Variants in SRGAP1 observed in about 807,000 individuals in gnomAD.
SRGAP1 encodes SLIT-ROBO Rho GTPase-activating protein 1.
In SRGAP1, 43 loss-of-function variants were observed where a neutral mutation model predicts 121.9. That is an observed-to-expected ratio of 0.35 (90% CI 0.28 to 0.46). The LOEUF is 0.46. Ranked by LOEUF, SRGAP1 falls within the 20% of genes least tolerant of loss-of-function variation. SRGAP1 has a pLI of 1.00. For missense variants in SRGAP1, 1,102 were observed against 1,350.9 expected (o/e 0.82, Z 2.89); for synonymous variants, 447 against 485.4 (o/e 0.92, Z 1.04).
intron 1 of SRGAP1, among the ~76,000 whole-genome samples, chr12:63,885,257 T>C (rs907120206): frequency 1.3e-5 from 2 of 152,116 alleles, no homozygotes; most frequent in African/African-American, 4.8e-5. Flanking sequence ...CTTTTTTGGT[T>C]CAATTAATTT....
intron 6 of SRGAP1, among the ~76,000 whole-genome samples, chr12:64,050,882 C>T (rs968899701): frequency 1.6e-4 from 24 of 152,020 alleles, no homozygotes; most frequent in South Asian, 6.2e-4. Flanking sequence ...CCACCATGCC[C>T]GGCTAATTGT....
intron 6 of SRGAP1, among the ~76,000 whole-genome samples, chr12:64,061,964 C>T (rs567414410): frequency 6.6e-6 from 1 of 152,244 alleles, no homozygotes; most frequent in African/African-American, 2.4e-5. Context: ...TACCTTTTAG[C>T]TATTATGCAT....
At chr12:63,899,671 A>C (rs1330984750) in intron 1 of SRGAP1, among the ~76,000 whole-genome samples, 1 of 152,250 alleles carries the variant, frequency 6.6e-6, no homozygotes, top group Non-Finnish European at 1.5e-5. Flanking sequence ...GGTGATTGGC[A>C]CAAGAGTAGG....
intron 1 of SRGAP1, among the ~76,000 whole-genome samples, chr12:63,944,899 C>T (rs2031992530): frequency 6.6e-6 from 1 of 152,172 alleles, no homozygotes; most frequent in Non-Finnish European, 1.5e-5. Context: ...CTGCTGTCAC[C>T]CCACCCGGGC....
chr12:64,134,530 C>T (rs2076031279), intron 21 of SRGAP1, among the ~76,000 whole-genome samples: 1 of 152,152 alleles, frequency 6.6e-6, no homozygotes, highest in African/African-American at 2.4e-5. Context: ...TAATCCACTC[C>T]ACCATCCCAA....
Position 64,128,190 on chromosome 12 carries a change from C to A in SRGAP1, c.2870C>A (p.Thr957Lys), listed in dbSNP as rs2036730725. 31 of 1,608,374 alleles carry A rather than the reference C, an allele frequency of 1.9e-5. No individual in the cohort carries two copies. The highest frequency in any genetic ancestry group is 2.6e-5 in the Non-Finnish European group (31 of 1,175,278). The change falls in exon 21 of 22, where the codon ACA becomes AAA. Residue 957 changes from threonine to lysine, a missense_variant. Thr to Lys is a moderately conservative substitution (Grantham distance 78). Around this residue, in one of 3 missense-constraint regions of SRGAP1, gnomAD observed 315 missense variants for 343.1 expected, o/e 0.92. Coordinates refer to ENST00000355086, the MANE Select transcript of SRGAP1 (RefSeq NM_020762.4). ...FNDHKPLDPE[T>K]IAQDIEETMN... ...GACCACAAGCCACTGGACCCAGAGA[C>A]AATTGCTCAGGTACGATGCTTTTAA...
At position 64,108,935 on chromosome 12, in the gene SRGAP1, T is replaced by C. The variant is rs1421966061; in HGVS notation, c.1817T>C (p.Ile606Thr). ...RFNDLISCIRIDNLYERALHI... is the reference protein window; with the variant it reads ...RFNDLISCIRTDNLYERALHI... ...CCATGTCATCTTCTGTCTGTAGGAA[T>C]AGATAATCTCTATGAGAGGGCGCTT... Residue 606 changes from isoleucine to threonine, a missense_variant, in exon 16 of 22, where the codon ATA becomes ACA. Coordinates refer to ENST00000355086, the MANE Select transcript of SRGAP1 (RefSeq NM_020762.4). The C allele has an allele frequency of 6.9e-6, 11 of 1,594,114 alleles. No homozygotes were observed. Among genetic ancestry groups the C allele is most frequent in the Non-Finnish European group, 9.4e-6 (11 of 1,166,800 alleles).
At chr12:64,041,737 C>T (rs2035029055) in intron 4 of SRGAP1, among the ~76,000 whole-genome samples, 1 of 151,664 alleles carries the variant, frequency 6.6e-6, no homozygotes, top group African/African-American at 2.4e-5. Context: ...CCATATATGG[C>T]ATTTTTAAAG....
At chr12:63,944,901 C>G (rs554265985) in intron 1 of SRGAP1, among the ~76,000 whole-genome samples, 2 of 152,168 alleles carry the variant, frequency 1.3e-5, no homozygotes, top group East Asian at 3.9e-4. Context: ...GCTGTCACCC[C>G]ACCCGGGCAG....
At chr12:63,951,052 C>A (rs1325020875) in intron 1 of SRGAP1, among the ~76,000 whole-genome samples, 1 of 145,682 alleles carries the variant, frequency 6.9e-6, no homozygotes, top group Non-Finnish European at 1.5e-5. Context: ...GGGATTCATT[C>A]GTATCCTTAC....
rs995110035 is a variant in SRGAP1 at position 64,151,109 on chromosome 12, C to T, written c.*8437C>T. ...GTAAGCCAAAAATCTATTATATAGT[C>T]ATAAGTCAAACTCAGTTACTAGACT... On this transcript the variant is annotated 3_prime_UTR_variant, in exon 22 of 22. Transcript: ENST00000355086. The T allele has an allele frequency of 6.6e-6, 1 of 151,978 alleles. No homozygotes were observed. Among genetic ancestry groups the T allele is most frequent in the African/African-American group, 2.4e-5 (1 of 41,390 alleles). The allele number at this position is 151,978 out of a possible 1,614,324, so 9.4% of individuals were successfully genotyped here.
rs1329040490 is a variant in SRGAP1, at chr12:63,857,841, G to C, written c.67+12958G>C. ...TATTTTTCTTATATTTTTGCCCTAG[G>C]CAGAATTTCCAGTACAAAATTAGTG... is the stretch of plus-strand genomic sequence containing the variant. On this transcript the variant is annotated intron_variant, in intron 1 of 21. Transcript: ENST00000355086. 2.6e-5 allele frequency among the ~76,000 whole-genome samples: 4 copies of C among 151,984 alleles called. No homozygotes were observed. The East Asian group carries it at 7.7e-4, about 29-fold the overall frequency.
chr12:64,094,971 A>G lies in SRGAP1; in HGVS notation c.1579A>G (p.Ile527Val), dbSNP rs1364022128. 6.2e-7 allele frequency: 1 copy of G among 1,612,758 alleles called. No individual in the cohort carries two copies. The highest frequency in any genetic ancestry group is 8.5e-7 in the Non-Finnish European group (1 of 1,178,800). The part of the protein sequence containing the change: ...QVIPLIVESC[I>V]RFINLYGLQH... ...TATTCCCCTCATTGTGGAAAGCTGT[A>G]TTCGGTTCATCAATCTCTATGGTAA... The change falls in exon 13 of 22, where the codon ATT (isoleucine) becomes GTT (valine). Residue 527 changes from isoleucine to valine, a missense_variant. Physicochemically the swap from Ile to Val is conservative, Grantham distance 29. Coordinates refer to ENST00000355086, the MANE Select transcript of SRGAP1 (RefSeq NM_020762.4).
chr12:64,000,747 A>G (rs143391301), intron 3 of SRGAP1, among the ~76,000 whole-genome samples: 1 of 152,364 alleles, frequency 6.6e-6, no homozygotes, highest in Non-Finnish European at 1.5e-5. Flanking sequence ...AAGGACAGGC[A>G]GAGGGATTAG....
intron 1 of SRGAP1, among the ~76,000 whole-genome samples, chr12:63,948,834 ATTCCATATATATATT>A (rs1480868712): frequency 7.3e-6 from 1 of 137,476 alleles, no homozygotes; most frequent in Non-Finnish European, 1.5e-5. Flanking sequence ...CCATATATAT[ATTCCATATATATATT>A]TTCCATATAT....
chr12:64,000,446 A>G (rs1168280988), intron 3 of SRGAP1, among the ~76,000 whole-genome samples: 1 of 151,962 alleles, frequency 6.6e-6, no homozygotes, highest in Admixed American at 6.6e-5. Context: ...TGATTTCTGA[A>G]GAAAAAATAT....
intron 1 of SRGAP1, chr12:63,871,967 A>G: frequency 9.4e-7 from 1 of 1,059,150 alleles, no homozygotes; most frequent in Non-Finnish European, 1.5e-6. Context: ...CATACGATGA[A>G]TCCTTGCCCT....
At chr12:63,934,662 C>T (rs142267471) in intron 1 of SRGAP1, among the ~76,000 whole-genome samples, 16 of 152,206 alleles carry the variant, frequency 1.1e-4, no homozygotes, top group Non-Finnish European at 1.8e-4. Flanking sequence ...CCCCCCCCAA[C>T]AATCTGCTCC....
intron 1 of SRGAP1, among the ~76,000 whole-genome samples, chr12:63,968,491 A>G (rs959612198): frequency 1.1e-4 from 16 of 152,142 alleles, no homozygotes; most frequent in African/African-American, 3.9e-4. Context: ...CCATGTAACC[A>G]TGGTCATTAC....
Sources: allele counts gnomAD v4.1 joint callset (sites outside exome capture counted in the v4.1 genomes callset), GRCh38; gene constraint gnomAD v4.1.1; regional missense constraint gnomAD v4.1.1; transcripts MANE v1.5; gene names NCBI Gene and HGNC (gene_info 2026-07-23, HGNC 2026-07-21).